The following CPQ variants were observed in gnomAD, a reference collection of about 807,000 sequenced individuals.
CPQ encodes Ser-Met dipeptidase.
CPQ carries 37 observed loss-of-function variants against 45.7 expected under a neutral mutation model. The observed-to-expected ratio is 0.81, with a 90% CI of 0.62 to 1.07. CPQ has a LOEUF of 1.07. Among genes scored for constraint, CPQ ranks in the 50% least tolerant of loss-of-function variants. The pLI is 0.00. For missense variants in CPQ, 537 were observed against 572.9 expected (o/e 0.94, Z 0.64); for synonymous variants, 186 against 205.8 (o/e 0.90, Z 0.82).
At chr8:97,001,017 T>C (rs1011541216) in intron 5 of CPQ, among the ~76,000 whole-genome samples, 4 of 152,014 alleles carry the variant, frequency 2.6e-5, no homozygotes, top group African/African-American at 9.6e-5. Flanking sequence ...AATGGAAGTT[T>C]ATTTATGATT....
At chr8:96,886,739 C>G (rs1315739130) in intron 4 of CPQ, among the ~76,000 whole-genome samples, 1 of 152,142 alleles carries the variant, frequency 6.6e-6, no homozygotes, top group African/African-American at 2.4e-5. Flanking sequence ...CTGGGCATGC[C>G]TTAGTTGAAT....
intron 1 of CPQ, among the ~76,000 whole-genome samples, chr8:96,725,474 A>G (rs1809824224): frequency 6.6e-6 from 1 of 152,248 alleles, no homozygotes; most frequent in African/African-American, 2.4e-5. Context: ...CAATAAACAT[A>G]TGAAAGAAAT....
chr8:97,008,191 GAATT>G (rs1346505862), intron 5 of CPQ, among the ~76,000 whole-genome samples: 3 of 152,102 alleles, frequency 2.0e-5, no homozygotes, highest in African/African-American at 7.2e-5. Context: ...TTTAAAGACA[GAATT>G]ATTTGCTCAG....
intron 1 of CPQ, among the ~76,000 whole-genome samples, chr8:96,686,280 G>A (rs1586358770): frequency 2.0e-5 from 3 of 152,094 alleles, no homozygotes; most frequent in Middle Eastern, 3.4e-3. Flanking sequence ...TTGTTAATAA[G>A]AATACTAATA....
chr8:96,842,731 T>C (rs920761307), intron 3 of CPQ, among the ~76,000 whole-genome samples: 5 of 152,222 alleles, frequency 3.3e-5, no homozygotes, highest in African/African-American at 1.2e-4. Context: ...TCATAATGGA[T>C]AGAGCCAGGC....
At chr8:96,895,654 T>C (rs1358819722) in intron 4 of CPQ, among the ~76,000 whole-genome samples, 2 of 152,168 alleles carry the variant, frequency 1.3e-5, no homozygotes. Context: ...GAGGTTAACA[T>C]GGTTTCTCTC....
At chr8:96,901,542 GA>G (rs1338594779) in intron 4 of CPQ, among the ~76,000 whole-genome samples, 1 of 152,168 alleles carries the variant, frequency 6.6e-6, no homozygotes, top group Non-Finnish European at 1.5e-5. Context: ...ATTTTGCTTT[GA>G]AGAATATTTT....
chr8:97,078,148 AT>A (rs1212394312), intron 7 of CPQ, among the ~76,000 whole-genome samples: 2 of 152,320 alleles, frequency 1.3e-5, no homozygotes, highest in East Asian at 1.9e-4. Context: ...TCTTTGGCCA[AT>A]TGAAACATCT....
chr8:97,022,380 A>G (rs999433448), intron 5 of CPQ, among the ~76,000 whole-genome samples: 3 of 152,312 alleles, frequency 2.0e-5, no homozygotes, highest in South Asian at 2.1e-4. Flanking sequence ...AAAGATAAAT[A>G]CTGGGATTTA....
intron 4 of CPQ, among the ~76,000 whole-genome samples, chr8:96,941,829 A>G (rs1050124345): frequency 1.3e-5 from 2 of 152,200 alleles, no homozygotes; most frequent in African/African-American, 4.8e-5. Flanking sequence ...ATATCTTTAC[A>G]TACATACTGC....
At chr8:96,789,310 C>T (rs1810816782) in intron 2 of CPQ, among the ~76,000 whole-genome samples, 1 of 152,104 alleles carries the variant, frequency 6.6e-6, no homozygotes, top group African/African-American at 2.4e-5. Context: ...TCCTCCCTTT[C>T]CCCCATCCAT....
At chr8:96,884,293 G>T (rs1357818672) in intron 4 of CPQ, among the ~76,000 whole-genome samples, 1 of 151,924 alleles carries the variant, frequency 6.6e-6, no homozygotes, top group Non-Finnish European at 1.5e-5. Context: ...TTCCTACCTT[G>T]CCTTTACTGC....
intron 4 of CPQ, among the ~76,000 whole-genome samples, chr8:96,906,244 A>C (rs1812574953): frequency 6.6e-6 from 1 of 152,192 alleles, no homozygotes; most frequent in African/African-American, 2.4e-5. Flanking sequence ...AACTCCTCTC[A>C]GCCTTAGTTT....
chr8:96,817,537 A>G (rs1811244685), intron 2 of CPQ, among the ~76,000 whole-genome samples: 1 of 152,006 alleles, frequency 6.6e-6, no homozygotes, highest in Admixed American at 6.6e-5. Context: ...TTCTGTCCAG[A>G]CAGCCAGAAC....
intron 7 of CPQ, among the ~76,000 whole-genome samples, chr8:97,078,763 TTC>T (rs749278181): frequency 0.14 from 13,938 of 100,056 alleles, 800 homozygotes; most frequent in African/African-American, 0.21. Context: ...TCATTTCCAT[TTC>T]TCTCTCTCTC....
At chr8:96,995,499 T>C (rs1024974035) in intron 5 of CPQ, among the ~76,000 whole-genome samples, 3 of 151,936 alleles carry the variant, frequency 2.0e-5, no homozygotes, top group East Asian at 1.9e-4. Flanking sequence ...AACAGAGGAA[T>C]TGGCATTCTA....
At chr8:96,900,466 TA>T (rs1222562266) in intron 4 of CPQ, among the ~76,000 whole-genome samples, 1 of 152,118 alleles carries the variant, frequency 6.6e-6, no homozygotes, top group Non-Finnish European at 1.5e-5. Flanking sequence ...GGAGGATAGA[TA>T]GATGGGATAT....
chr8:96,813,166 C>T (rs147667947), intron 2 of CPQ, among the ~76,000 whole-genome samples: 24 of 152,262 alleles, frequency 1.6e-4, no homozygotes, highest in African/African-American at 5.5e-4. Context: ...CTTAGCATAA[C>T]TTTTACCACT....
chr8:97,098,544 GA>G (rs1182629539), intron 7 of CPQ, among the ~76,000 whole-genome samples: 1 of 152,056 alleles, frequency 6.6e-6, no homozygotes, highest in East Asian at 1.9e-4. Flanking sequence ...AATTTTGAGG[GA>G]TAAGTCTAGA....
Sources: gnomAD v4.1 joint callset for allele counts (sites outside exome capture counted in the v4.1 genomes callset) on GRCh38, gnomAD v4.1.1 for gene constraint, MANE v1.5 for transcripts, NCBI Gene and HGNC (gene_info 2026-07-23, HGNC 2026-07-21) for gene names.